The following ZNF831 variants were observed in gnomAD, a reference collection of about 807,000 sequenced individuals.
ZNF831 encodes the protein chromosome 20 open reading frame 174.
A neutral mutation model predicts 95.8 loss-of-function variants in ZNF831; 59 were observed. The ratio of observed to expected loss-of-function variants is 0.62; its 90% CI spans 0.50 to 0.77. ZNF831 has a LOEUF of 0.77. Ranked by LOEUF, ZNF831 falls within the 30% of genes least tolerant of loss-of-function variation. The probability of loss-of-function intolerance (pLI) is 0.00; values close to 1 mark genes in which losing one functional copy is unlikely to be tolerated. For missense variants in ZNF831, 2,205 were observed against 2,164.0 expected, an observed-to-expected ratio of 1.02 and a Z score of -0.38; for synonymous variants, 961 against 925.5, an observed-to-expected ratio of 1.04 and a Z score of -0.70.
rs141583640 is a variant in ZNF831 at position 59,172,064 on chromosome 20, A to G, written c.-37+7857A>G. 4.6e-5 allele frequency among the ~76,000 whole-genome samples: 7 copies of G among 152,280 alleles called. No homozygotes were observed. In the East Asian group the frequency reaches 1.4e-3, roughly 29 times the overall value. On this transcript the variant is annotated intron_variant, in intron 1 of 5. Transcript: ENST00000371030. ...GCTTTCCCTTCAATCAAGGGCCTGT[A>G]GGTCTGCAAACTGCCTTAGTTCTGA...
At position 59,192,226 on chromosome 20, in the gene ZNF831, C is replaced by A. The variant is rs746146691; in HGVS notation, c.1207C>A (p.Arg403=). 1.3e-6 allele frequency: 2 copies of A among 1,591,284 alleles called. No individual in the cohort carries two copies. The highest frequency in any genetic ancestry group is 2.3e-5 in the East Asian group (1 of 43,982). ...AGCCGGCCTGGAGCTGGAGAAGAAG[C>A]GGCTGGAGGAGCGCATCGCCCAGCT... ...REAGLELEKK[R]LEERIAQLIS... Residue 403 remains arginine (R), a synonymous_variant, in exon 2 of 6, where the codon CGG becomes AGG. Coordinates refer to ENST00000371030, the MANE Select transcript of ZNF831 (RefSeq NM_178457.3). This position sits in a 1 kb window ranked among gnomAD's most constrained non-coding sequence, Gnocchi z 5.2.
In ZNF831 at chr20:59,193,917, T is replaced by C. The variant is rs753606645; in HGVS notation, c.2898T>C (p.Ser966=). ...GGGGACCAAGGCACAGCCAGGACTCTCTCTGCAGCAGTGGGTGGCCTGAAG... is the reference window on the plus strand; with the variant it reads ...GGGGACCAAGGCACAGCCAGGACTCCCTCTGCAGCAGTGGGTGGCCTGAAG... ...IPWGPRHSQD[S]LCSSGWPEER... is the part of the protein sequence containing the mutation. The change falls in exon 2 of 6, where the codon TCT becomes TCC. Residue 966 remains serine (S), a synonymous_variant. Coordinates refer to ENST00000371030, the MANE Select transcript of ZNF831 (RefSeq NM_178457.3). The C allele has an allele frequency of 1.6e-4, 264 of 1,600,390 alleles. No individual in the cohort carries two copies. The highest frequency in any genetic ancestry group is 2.4e-4 in the Admixed American group (14 of 58,720).
At chr20:59,150,285 C>A (rs1980151140) in intron 2 of ZNF831, among the ~76,000 whole-genome samples, 1 of 152,146 alleles carries the variant, frequency 6.6e-6, no homozygotes, top group Admixed American at 6.5e-5. Context: ...GAAACAGAGA[C>A]CGTGTTCCTT....
intron 1 of ZNF831, among the ~76,000 whole-genome samples, chr20:59,139,740 TAA>T (rs1179858473): frequency 1.3e-5 from 2 of 152,174 alleles, no homozygotes; most frequent in Non-Finnish European, 2.9e-5. Context: ...TATATAATTT[TAA>T]AGAGTCCTCA....
chr20:59,229,569 G>A (rs1360970715), intron 4 of ZNF831, among the ~76,000 whole-genome samples: 1 of 152,188 alleles, frequency 6.6e-6, no homozygotes, highest in African/African-American at 2.4e-5. Context: ...CTTTAGGCAT[G>A]TGTAGCAATT....
chr20:59,251,904 C>G (rs1248041283), intron 4 of ZNF831, among the ~76,000 whole-genome samples: 1 of 152,160 alleles, frequency 6.6e-6, no homozygotes, highest in African/African-American at 2.4e-5. Context: ...TTCTCCTAAA[C>G]ATACTAATAT....
intron 4 of ZNF831, among the ~76,000 whole-genome samples, chr20:59,237,033 C>T (rs1463933090): frequency 6.6e-6 from 1 of 152,168 alleles, no homozygotes; most frequent in Non-Finnish European, 1.5e-5. Flanking sequence ...AGGTTATTAT[C>T]TACATCATGC....
At position 59,185,099 on chromosome 20, in the gene ZNF831, C is replaced by A. The variant is rs893443654; in HGVS notation, c.-36-5885C>A. Among the ~76,000 whole-genome samples the A allele has an allele frequency of 1.3e-5, 2 of 152,208 alleles. 1 individual carries two copies. Among genetic ancestry groups the A allele is most frequent in the Non-Finnish European group, 2.9e-5 (2 of 68,038 alleles). On this transcript the variant is annotated intron_variant, in intron 1 of 5. Transcript: ENST00000371030. ...TCCCTCGCTCAAAGAGGTAAGCCTTCTAGCGAGCTGCTTTCCCAGCCCCGG... is the reference window on the plus strand; with the variant it reads ...TCCCTCGCTCAAAGAGGTAAGCCTTATAGCGAGCTGCTTTCCCAGCCCCGG...
At chr20:59,228,607 G>A (rs1986557240) in intron 4 of ZNF831, among the ~76,000 whole-genome samples, 2 of 152,104 alleles carry the variant, frequency 1.3e-5, no homozygotes, top group Non-Finnish European at 2.9e-5. Flanking sequence ...ATCCTCCCAC[G>A]AAGGCTGGGC....
intron 4 of ZNF831, among the ~76,000 whole-genome samples, chr20:59,234,093 G>A (rs73915987): frequency 0.014 from 2,138 of 152,310 alleles, 52 homozygotes; most frequent in African/African-American, 0.049. Flanking sequence ...GGTAGCCACA[G>A]AACGTAGAGG....
At chr20:59,232,954 G>T (rs1986804065) in intron 4 of ZNF831, among the ~76,000 whole-genome samples, 1 of 147,528 alleles carries the variant, frequency 6.8e-6, no homozygotes, top group South Asian at 2.3e-4. Flanking sequence ...GTTGCAGGAA[G>T]TTCTGGGATT....
At chr20:59,128,792 C>T (rs1982733805) in intron 1 of ZNF831, among the ~76,000 whole-genome samples, 2 of 152,192 alleles carry the variant, frequency 1.3e-5, no homozygotes, top group South Asian at 2.1e-4. Flanking sequence ...GATGGAGTCT[C>T]GCTCTGTCCC....
At chr20:59,177,936 C>T (rs767253704) in intron 1 of ZNF831, among the ~76,000 whole-genome samples, 3 of 152,156 alleles carry the variant, frequency 2.0e-5, no homozygotes, top group Admixed American at 6.5e-5. Context: ...TGTGAAGAAG[C>T]GAGGCTGTTT....
At chr20:59,224,264 C>T (rs971252031) in intron 4 of ZNF831, among the ~76,000 whole-genome samples, 3 of 152,304 alleles carry the variant, frequency 2.0e-5, no homozygotes, top group Non-Finnish European at 2.9e-5. Flanking sequence ...GGTACCTCGC[C>T]GCCTGGGTGC....
At chr20:59,125,889 G>T (rs1303456076) in intron 1 of ZNF831, among the ~76,000 whole-genome samples, 3 of 152,122 alleles carry the variant, frequency 2.0e-5, no homozygotes, top group African/African-American at 4.8e-5. Flanking sequence ...GCTGGCTGGC[G>T]TGAGAGCAGG....
intron 1 of ZNF831, among the ~76,000 whole-genome samples, chr20:59,136,925 C>T (rs1176004245): frequency 6.6e-6 from 1 of 152,196 alleles, no homozygotes; most frequent in Non-Finnish European, 1.5e-5. Flanking sequence ...AAGAGTTATG[C>T]AGTTTTCATG....
chr20:59,194,239 C>G lies in ZNF831; in HGVS notation c.3220C>G (p.Arg1074Gly), dbSNP rs369494521. 1 of 1,613,910 alleles carries G rather than the reference C, an allele frequency of 6.2e-7. No individual in the cohort carries two copies. Among genetic ancestry groups the G allele is most frequent in the Non-Finnish European group, 8.5e-7 (1 of 1,179,964 alleles). The change falls in exon 2 of 6, where the codon CGT becomes GGT. Residue 1074 changes from arginine (R) to glycine (G), a missense_variant. Coordinates refer to ENST00000371030, the MANE Select transcript of ZNF831 (RefSeq NM_178457.3). The stretch of plus-strand genomic sequence containing the variant: ...TCAGGACATGGAGGGTGACAGCCAC[C>G]GTATCCATCGCCTCTGCATGGGCAG... ...LVQDMEGDSH[R>G]IHRLCMGSTL...
At chr20:59,162,810 T>C (rs1434755852), upstream of ZNF831, among the ~76,000 whole-genome samples, 1 of 152,212 alleles carries the variant, frequency 6.6e-6, no homozygotes, top group Non-Finnish European at 1.5e-5. Flanking sequence ...TCTGGAATAG[T>C]TTTTTTCTAA....
rs765431654 is a variant in ZNF831 at position 59,190,831 on chromosome 20, G to C, written c.-36-153G>C. Among the ~76,000 whole-genome samples the C allele has an allele frequency of 7.9e-5, 12 of 152,360 alleles. No individual in the cohort carries two copies. In the South Asian group the frequency reaches 1.0e-3, roughly 13 times the overall value. On this transcript the variant is annotated intron_variant, in intron 1 of 5. Coordinates refer to ENST00000371030, the MANE Select transcript of ZNF831 (RefSeq NM_178457.3). ...AGCCTCAGCTTTCCCTTTTGGATGA[G>C]AGTACCTTCCTCTCGCTTGGGATGA...
Sources: allele counts gnomAD v4.1 joint callset (sites outside exome capture counted in the v4.1 genomes callset), GRCh38; gene constraint gnomAD v4.1.1; non-coding constraint Gnocchi (gnomAD v3.1); transcripts MANE v1.5; gene names NCBI Gene and HGNC (gene_info 2026-07-23, HGNC 2026-07-21).